Variants in NEB observed in about 807,000 individuals in gnomAD.
NEB encodes the protein nemaline myopathy type 2.
A neutral mutation model predicts 952.2 loss-of-function variants in NEB; 512 were observed. That is an observed-to-expected ratio of 0.54 (90% CI 0.50 to 0.58). The LOEUF is 0.58. Ranked by LOEUF, NEB falls within the 20% of genes least tolerant of loss-of-function variation. The pLI is 0.00. For synonymous variants in NEB, 2,900 were observed against 3,149.8 expected, an observed-to-expected ratio of 0.92 and a Z score of 2.66; for missense variants, 8,428 against 9,231.1, an observed-to-expected ratio of 0.91 and a Z score of 3.56.
intron 138 of NEB, 99 bp downstream of exon 138, chr2:151,540,245 T>G: frequency 1.4e-6 from 1 of 730,608 alleles, no homozygotes; most frequent in Non-Finnish European, 2.2e-6. Context: ...TAGGCCATGG[T>G]TTAGAACTAT....
chr2:151,523,952 T>C (rs559034846), intron 153 of NEB, among the ~76,000 whole-genome samples: 1 of 152,326 alleles, frequency 6.6e-6, no homozygotes, highest in East Asian at 1.9e-4. Context: ...GCTCTTCATG[T>C]TAAATCTATC....
chr2:151,490,472 T>G lies in NEB; in HGVS notation c.25197A>C (p.Ala8399=), dbSNP rs779234504. The change falls in exon 180 of 182, where the codon GCA becomes GCC. Residue 8399 remains alanine, a synonymous_variant. Transcript: ENST00000397345. ...RSREQSRSAS[A]LSISGGEEKS... The stretch of plus-strand genomic sequence containing the variant: ...TCTCCTCACCCCCACTGATGCTTAG[T>G]GCACTGGCAGATCGTGACTGCTCCC... The G allele has an allele frequency of 6.2e-7, 1 of 1,609,100 alleles. No individual in the cohort carries two copies. Among genetic ancestry groups the G allele is most frequent in the Non-Finnish European group, 8.5e-7 (1 of 1,177,824 alleles).
At chr2:151,707,457 C>T (rs775958185) in intron 12 of NEB, among the ~76,000 whole-genome samples, 7 of 152,216 alleles carry the variant, frequency 4.6e-5, no homozygotes, top group Admixed American at 1.3e-4. Context: ...CACTAATCCA[C>T]GCTTTTATGC....
chr2:151,673,736 T>C (rs1223609837), intron 36 of NEB, among the ~76,000 whole-genome samples: 4 of 145,238 alleles, frequency 2.8e-5, no homozygotes, highest in African/African-American at 5.0e-5. Context: ...CTTTTTCTTT[T>C]TTTTTTTTTT....
At chr2:151,569,237 T>A (rs2096543148) in intron 110 of NEB, 31 bp downstream of exon 110, 1 of 1,561,568 alleles carries the variant, frequency 6.4e-7, no homozygotes, top group African/African-American at 1.4e-5. Flanking sequence ...TTGGGAAATG[T>A]ACTGAATGTC....
At chr2:151,524,684 T>TTTTTTTTTG in intron 151 of NEB, 68 bp from the exon 152 acceptor site, 1 of 1,038,266 alleles carries the variant, frequency 9.6e-7, no homozygotes, top group Non-Finnish European at 1.4e-6. Flanking sequence ...TTTTTTTTTT[T>TTTTTTTTTG]GAGATGGAAT....
At chr2:151,717,325 C>T (rs548532933) in intron 10 of NEB, 91 bp downstream of exon 10, 17 of 892,202 alleles carry the variant, frequency 1.9e-5, no homozygotes, top group Non-Finnish European at 3.1e-5. Context: ...TGTGTTTTAT[C>T]TTCAGTCTCA....
At chr2:151,531,178 T>C (rs764015050) in intron 144 of NEB, 77 bp from the exon 145 acceptor site, 7 of 942,810 alleles carry the variant, frequency 7.4e-6, no homozygotes, top group Non-Finnish European at 1.2e-5. Context: ...GCAAAGTTTT[T>C]TCCTGAGTGA....
Position 151,548,244 on chromosome 2 carries a change from A to G in NEB, c.20157+64T>C, listed in dbSNP as rs946944275. 10 of 1,318,530 alleles carry G rather than the reference A, an allele frequency of 7.6e-6. No homozygotes were observed. In the East Asian group the frequency reaches 2.1e-4, roughly 27 times the overall value. 81.7% of individuals were successfully genotyped at this position (1,318,530 alleles called of 1,614,324 possible). A position where few individuals can be genotyped will look rare whatever the true frequency, so the allele number is the denominator to read the frequency against. ...CTGAAATAAGATTAATTCTTAATGC[A>G]TTTCAAACAAAGCCATGGCTATTGA... is the stretch of plus-strand genomic sequence containing the variant. On this transcript the variant is annotated intron_variant, in intron 131 of 181. Coordinates refer to ENST00000397345, the MANE Select transcript of NEB (RefSeq NM_001164508.2).
chr2:151,568,497 C>T (rs1023649951), intron 111 of NEB, 80 bp from the exon 112 acceptor site: 30 of 1,467,308 alleles, frequency 2.0e-5, no homozygotes, highest in Middle Eastern at 3.4e-4. Context: ...TTGTTAGCAT[C>T]CATCATTTCA....
At chr2:151,502,029 G>GT (rs1361812493) in intron 167 of NEB, among the ~76,000 whole-genome samples, 1 of 152,198 alleles carries the variant, frequency 6.6e-6, no homozygotes, top group Non-Finnish European at 1.5e-5. Flanking sequence ...GAATGAAAAT[G>GT]TTTAAGAATG....
chr2:151,682,831 C>A, intron 28 of NEB, 62 bp from the exon 29 acceptor site: 1 of 1,391,266 alleles, frequency 7.2e-7, no homozygotes, highest in South Asian at 1.3e-5. Context: ...GTAAAATCAT[C>A]AAAGTTTTAC....
At chr2:151,556,277 C>T (rs1257683450) in intron 124 of NEB, among the ~76,000 whole-genome samples, 1 of 152,070 alleles carries the variant, frequency 6.6e-6, no homozygotes, top group Non-Finnish European at 1.5e-5. Flanking sequence ...ATGAGTAGAA[C>T]AGAATGGAAA....
rs1323753783 is a variant in NEB at position 151,513,570 on chromosome 2, T to A, written c.23241+10A>T. ...TTCCTGAAAGATTGACATCGAATAG[T>A]AGCACTGACCTGACTGGCAATATCA... On this transcript the variant is annotated intron_variant, in intron 160 of 181. Coordinates refer to ENST00000397345, the MANE Select transcript of NEB (RefSeq NM_001164508.2). 1 of 1,579,540 alleles carries A rather than the reference T, an allele frequency of 6.3e-7. No homozygotes were observed. The highest frequency in any genetic ancestry group is 1.2e-5 in the South Asian group (1 of 86,946).
In NEB at chr2:151,639,268, A is replaced by G; in HGVS notation, c.8994+12T>C. The G allele has an allele frequency of 6.6e-7, 1 of 1,522,988 alleles. No homozygotes were observed. The highest frequency in any genetic ancestry group is 8.8e-7 in the Non-Finnish European group (1 of 1,131,974). The allele number at this position is 1,522,988 out of a possible 1,614,324, so 94.3% of individuals were successfully genotyped here. ...AGCAGCAGTGTGCAAATGTCAAAGA[A>G]TCTGCTCTCACCTCACTGTAGTTGA... On this transcript the variant is annotated intron_variant, in intron 63 of 181. Coordinates refer to ENST00000397345, the MANE Select transcript of NEB (RefSeq NM_001164508.2).
intron 5 of NEB, among the ~76,000 whole-genome samples, chr2:151,726,106 A>T (rs915746660): frequency 6.6e-6 from 1 of 152,188 alleles, no homozygotes; most frequent in African/African-American, 2.4e-5. Context: ...ATAATTTATC[A>T]TTATAAATGT....
At position 151,672,370 on chromosome 2, in the gene NEB, T is replaced by G. The variant is rs376013221; in HGVS notation, c.4298A>C (p.Asp1433Ala). 1.6e-5 allele frequency: 25 copies of G among 1,588,706 alleles called. No homozygotes were observed. Among genetic ancestry groups the G allele is most frequent in the Non-Finnish European group, 2.0e-5 (23 of 1,164,200 alleles). Residue 1433 changes from aspartate (D) to alanine (A), a missense_variant and splice_region_variant, in exon 37 of 182, where the codon GAT becomes GCT. Physicochemically the swap from Asp to Ala is moderately radical, Grantham distance 126. Around this residue, in one of 11 missense-constraint regions of NEB, gnomAD observed 2,851 missense variants for 2,791.5 expected, o/e 1.02. Coordinates refer to ENST00000397345, the MANE Select transcript of NEB (RefSeq NM_001164508.2). ...HTRNVNQIQS[D>A]NVYKDEYNSF... ...GGGTCTGTTGTTACACATACTTACATCACTCTGAATTTGATTGACATTCCT... is the reference window on the plus strand; with the variant it reads ...GGGTCTGTTGTTACACATACTTACAGCACTCTGAATTTGATTGACATTCCT...
intron 161 of NEB, among the ~76,000 whole-genome samples, chr2:151,510,929 C>T (rs2073755520): frequency 6.6e-6 from 1 of 152,176 alleles, no homozygotes; most frequent in African/African-American, 2.4e-5. Context: ...AATCGAGAAG[C>T]AAGTTTGTGG....
At position 151,609,984 on chromosome 2, in the gene NEB, T is replaced by C; in HGVS notation, c.12155A>G (p.Gln4052Arg). ...QSEREYKKEF[Q>R]KWKTKFSSPV... ...GCTAGAGAACTTGGTTTTCCACTTT[T>C]GGAATTCCTTCTTGTACTCCCTTTC... Residue 4052 changes from glutamine to arginine, a missense_variant, in exon 81 of 182, where the codon CAA becomes CGA. Transcript: ENST00000397345. The C allele has an allele frequency of 6.2e-7, 1 of 1,614,008 alleles. No homozygotes were observed. The highest frequency in any genetic ancestry group is 8.5e-7 in the Non-Finnish European group (1 of 1,179,888).
Sources: gnomAD v4.1 joint callset for allele counts (sites outside exome capture counted in the v4.1 genomes callset) on GRCh38, gnomAD v4.1.1 for gene constraint, gnomAD v4.1.1 regional missense constraint, MANE v1.5 for transcripts, NCBI Gene and HGNC (gene_info 2026-07-23, HGNC 2026-07-21) for gene names.